Variants in NOL4L observed in about 807,000 individuals in gnomAD.
NOL4L encodes nucleolar protein 4-like.
Under a neutral mutation model 64.5 loss-of-function variants are expected in NOL4L, and 7 were observed. The ratio of observed to expected loss-of-function variants is 0.11; its 90% CI spans 0.06 to 0.20. The LOEUF (loss-of-function observed/expected upper bound fraction) is 0.20. Among genes scored for constraint, NOL4L ranks in the 10% least tolerant of loss-of-function variants. The pLI, the probability that NOL4L is intolerant of heterozygous loss-of-function variation, is 1.00. For missense variants in NOL4L, 680 were observed against 967.1 expected, an observed-to-expected ratio of 0.70 and a Z score of 3.94; for synonymous variants, 413 against 401.0, an observed-to-expected ratio of 1.03 and a Z score of -0.36.
chr20:32,553,257 G>C (rs564061236), intron 1 of NOL4L, among the ~76,000 whole-genome samples: 92 of 152,122 alleles, frequency 6.0e-4, no homozygotes, highest in African/African-American at 2.1e-3. Context: ...CCTCCTCCCA[G>C]CTTCCACCCT....
chr20:32,472,960 G>A (rs527403414), intron 5 of NOL4L, among the ~76,000 whole-genome samples: 1 of 152,240 alleles, frequency 6.6e-6, no homozygotes, highest in Non-Finnish European at 1.5e-5. Context: ...CTCATGGCCA[G>A]GCCAGCCAGC....
rs1407571367 is a variant in NOL4L at position 32,482,604 on chromosome 20, GC to G, written c.700-7863del. Among the ~76,000 whole-genome samples the G allele has an allele frequency of 3.9e-4, 60 of 151,954 alleles. 1 individual carries two copies. Among genetic ancestry groups the G allele is most frequent in the Admixed American group, 3.9e-3 (60 of 15,292 alleles). On this transcript the variant is annotated intron_variant, in intron 4 of 10. Transcript: ENST00000621426. Reference sequence around the variant, plus strand: ...GCGCGCGCCCTCGAGGCGGCCGGCTGCCCCCGCCCCGCCGTGTCCCCTCATT... The same window carrying G: ...GCGCGCGCCCTCGAGGCGGCCGGCTGCCCCGCCCCGCCGTGTCCCCTCATT...
chr20:32,510,401 G>A (rs561455192), intron 4 of NOL4L: 51 of 204,194 alleles, frequency 2.5e-4, no homozygotes, highest in East Asian at 1.2e-4. Flanking sequence ...CCACCTGCAC[G>A]TGTCCTGCTA....
At chr20:32,458,530 T>A (rs923358938) in intron 5 of NOL4L, among the ~76,000 whole-genome samples, 1 of 152,152 alleles carries the variant, frequency 6.6e-6, no homozygotes, top group Non-Finnish European at 1.5e-5. Flanking sequence ...GCACCTGAGG[T>A]CCAGGAGCCT....
intron 1 of NOL4L, among the ~76,000 whole-genome samples, chr20:32,536,852 G>T (rs2018548977): frequency 6.9e-6 from 1 of 145,898 alleles, no homozygotes; most frequent in Admixed American, 6.7e-5. Context: ...AGGAACGGGG[G>T]CGTTAAAGAC....
At chr20:32,584,133 G>GCGCGCACACACACA (rs1555811186) in intron 1 of NOL4L, among the ~76,000 whole-genome samples, 2 of 88,822 alleles carry the variant, frequency 2.3e-5, no homozygotes, top group African/African-American at 5.2e-5. Context: ...CTCCGCGCGC[G>GCGCGCACACACACA]CACACACACA....
intron 5 of NOL4L, among the ~76,000 whole-genome samples, chr20:32,459,675 G>T (rs993626823): frequency 2.0e-5 from 3 of 152,112 alleles, no homozygotes; most frequent in Non-Finnish European, 4.4e-5. Flanking sequence ...ATGGGCCACC[G>T]TGCCCAGCCT....
chr20:32,566,573 A>G (rs1979442499), intron 1 of NOL4L, among the ~76,000 whole-genome samples: 1 of 152,082 alleles, frequency 6.6e-6, no homozygotes, highest in African/African-American at 2.4e-5. Context: ...AGTTCCTCAA[A>G]CCAACCAGAC....
In NOL4L at chr20:32,584,882, C is replaced by T; in HGVS notation, c.9G>A (p.Lys3=). The T allele has an allele frequency of 7.7e-7, 1 of 1,293,206 alleles. No individual in the cohort carries two copies. Among genetic ancestry groups the T allele is most frequent in the Non-Finnish European group, 9.8e-7 (1 of 1,017,918 alleles). The allele number at this position is 1,293,206 out of a possible 1,614,324, so 80.1% of individuals were successfully genotyped here. A position where few individuals can be genotyped will look rare whatever the true frequency, so the allele number is the denominator to read the frequency against. ...AGCCCCCGCGCAGCAGCAGCGTCGGCTTCGGCATCCTCCCGCCGCGCCCGG... is the reference window on the plus strand; with the variant it reads ...AGCCCCCGCGCAGCAGCAGCGTCGGTTTCGGCATCCTCCCGCCGCGCCCGG... MP[K]PTLLLRGGWE... is the part of the protein sequence containing the mutation. Residue 3 remains lysine, a synonymous_variant, in exon 1 of 11, where the codon AAG becomes AAA. Transcript: ENST00000621426.
At chr20:32,580,352 G>A (rs575386951) in intron 1 of NOL4L, among the ~76,000 whole-genome samples, 33 of 152,286 alleles carry the variant, frequency 2.2e-4, no homozygotes, top group African/African-American at 7.7e-4. Flanking sequence ...AGGAAATATT[G>A]AGGGACTCAA....
At chr20:32,539,067 G>C (rs1472150865) in intron 1 of NOL4L, among the ~76,000 whole-genome samples, 1 of 152,164 alleles carries the variant, frequency 6.6e-6, no homozygotes, top group Non-Finnish European at 1.5e-5. Flanking sequence ...TCTAGGGCTG[G>C]GCGTTGGGAG....
At chr20:32,584,010 C>T (rs1980700248) in intron 1 of NOL4L, among the ~76,000 whole-genome samples, 1 of 145,456 alleles carries the variant, frequency 6.9e-6, no homozygotes, top group African/African-American at 2.5e-5. Flanking sequence ...CGGGTGGGGT[C>T]GGGGCGACAG....
At chr20:32,488,760 T>A (rs184730353) in intron 4 of NOL4L, among the ~76,000 whole-genome samples, 1 of 53,780 alleles carries the variant, frequency 1.9e-5, no homozygotes, top group Non-Finnish European at 3.0e-5. Context: ...CCTTCCTTCC[T>A]TCCTTCCTTC....
In NOL4L at chr20:32,453,791, G is replaced by A. The variant is rs773511173; in HGVS notation, c.1120-30C>T. On this transcript the variant is annotated intron_variant, in intron 6 of 10. Transcript: ENST00000621426. The surrounding 1 kb of genome is among the most constrained non-coding windows in gnomAD (Gnocchi z 5.6). ...AAGGAGGGCAAGAGGCAGAGGGTTG[G>A]GCCAAGCAGCTGCTCAAGCCCTTGC... The A allele has an allele frequency of 3.2e-6, 5 of 1,548,024 alleles. No individual in the cohort carries two copies. Among genetic ancestry groups the A allele is most frequent in the Admixed American group, 3.9e-5 (2 of 50,948 alleles).
intron 5 of NOL4L, among the ~76,000 whole-genome samples, chr20:32,465,332 G>T (rs991262187): frequency 6.5e-5 from 9 of 138,870 alleles, no homozygotes; most frequent in African/African-American, 3.1e-4. Context: ...GCACCACCCA[G>T]GCCGCCCAGT....
chr20:32,498,954 A>G (rs1434524033), intron 4 of NOL4L, among the ~76,000 whole-genome samples: 3 of 151,950 alleles, frequency 2.0e-5, no homozygotes, highest in Non-Finnish European at 4.4e-5. Flanking sequence ...ATCTCAGCTC[A>G]CTGCAACCTC....
intron 3 of NOL4L, among the ~76,000 whole-genome samples, chr20:32,512,992 C>G (rs1426713829): frequency 6.6e-6 from 1 of 152,170 alleles, no homozygotes; most frequent in Non-Finnish European, 1.5e-5. Flanking sequence ...AATCTCTGAC[C>G]AAGCTGCTGT....
chr20:32,524,138 G>A (rs994283266), intron 2 of NOL4L, among the ~76,000 whole-genome samples: 2 of 152,140 alleles, frequency 1.3e-5, no homozygotes, highest in African/African-American at 4.8e-5. Flanking sequence ...ACCCAGAAGG[G>A]TGCAGAAATC....
chr20:32,530,926 AAAAAAC>A (rs1568692750), intron 1 of NOL4L, among the ~76,000 whole-genome samples: 1 of 152,184 alleles, frequency 6.6e-6, no homozygotes, highest in East Asian at 1.9e-4. Context: ...CATCTCAAAA[AAAAAAC>A]AAAAACAAAA....
Sources: allele counts gnomAD v4.1 joint callset (sites outside exome capture counted in the v4.1 genomes callset), GRCh38; gene constraint gnomAD v4.1.1; non-coding constraint Gnocchi (gnomAD v3.1); transcripts MANE v1.5; gene names NCBI Gene and HGNC (gene_info 2026-07-23, HGNC 2026-07-21).